IFT81: variants seen among roughly 807,000 people sequenced by gnomAD.
IFT81 encodes the protein intraflagellar transport protein 81 homolog.
A neutral mutation model predicts 102.6 loss-of-function variants in IFT81; 72 were observed. That is an observed-to-expected ratio of 0.70 (90% confidence interval 0.58 to 0.85). The LOEUF is 0.85. Ranked by LOEUF, IFT81 falls within the 40% of genes least tolerant of loss-of-function variation. The pLI is 0.00. For missense variants in IFT81, 723 were observed against 787.3 expected (o/e 0.92, Z 0.98); for synonymous variants, 237 against 242.7 (o/e 0.98, Z 0.22).
chr12:110,214,025 C>T (rs894516635), intron 18 of IFT81, among the ~76,000 whole-genome samples: 5 of 151,898 alleles, frequency 3.3e-5, no homozygotes, highest in Non-Finnish European at 7.4e-5. Context: ...ACCATTATAT[C>T]AAAGAAAATA....
chr12:110,169,023 CCCTTCCTTCCTTCCTTCCTT>C lies in IFT81; in HGVS notation c.1188+5998_1188+6017del, dbSNP rs201299809. The C allele has an allele frequency of 5.2e-3, 600 of 115,418 alleles. 8 individuals are homozygous for C. The highest frequency in any genetic ancestry group is 0.016 in the African/African-American group (457 of 28,758). 7.1% of individuals were successfully genotyped at this position (115,418 alleles called of 1,614,324 possible). The stretch of plus-strand genomic sequence containing the variant: ...TTTGTCTTTCTTTCTTTTCCTTCCT[CCCTTCCTTCCTTCCTTCCTT>C]CCTTCCTTCCTTCCTTCCTTCCTTC... On this transcript the variant is annotated intron_variant, in intron 11 of 18. Transcript: ENST00000242591.
At chr12:110,132,657 T>A in intron 5 of IFT81, 21 bp downstream of exon 5, 1 of 1,297,262 alleles carries the variant, frequency 7.7e-7, no homozygotes, top group Non-Finnish European at 1.1e-6. Flanking sequence ...GAAAACATAG[T>A]AACAATTTTT....
rs557617014 is a variant in IFT81 at position 110,204,156 on chromosome 12, G to T, written c.1644+206G>T. ...AAAAAAAATGTTTTAAATACTGCCC[G>T]TGTACGCACATTTTCACTACATCAA... On this transcript the variant is annotated intron_variant, in intron 15 of 18. Transcript: ENST00000242591. The T allele has an allele frequency of 2.4e-5, 11 of 457,236 alleles. No homozygotes were observed. In the South Asian group the frequency reaches 3.3e-4, roughly 14 times the overall value. 28.3% of individuals were successfully genotyped at this position (457,236 alleles called of 1,614,324 possible). A position where few individuals can be genotyped will look rare whatever the true frequency, so the allele number is the denominator to read the frequency against.
intron 4 of IFT81, among the ~76,000 whole-genome samples, chr12:110,132,002 G>A (rs1678823564): frequency 6.6e-6 from 1 of 152,186 alleles, no homozygotes; most frequent in South Asian, 2.1e-4. Context: ...TGTAGAGTGT[G>A]AAGCAGGAAA....
chr12:110,207,402 A>C (rs1008064756), intron 17 of IFT81, among the ~76,000 whole-genome samples: 1 of 151,830 alleles, frequency 6.6e-6, no homozygotes, highest in Admixed American at 6.6e-5. Context: ...ATTTTCCTTT[A>C]CTTAGACTGC....
At chr12:110,162,258 C>T (rs1896173150) in intron 10 of IFT81, 1 of 151,344 alleles carries the variant, frequency 6.6e-6, no homozygotes, top group Non-Finnish European at 1.5e-5. Context: ...CTTGGTGTTA[C>T]CTTCTATTGA....
chr12:110,165,765 A>G (rs1317989252), intron 11 of IFT81, among the ~76,000 whole-genome samples: 1 of 152,216 alleles, frequency 6.6e-6, no homozygotes, highest in African/African-American at 2.4e-5. Flanking sequence ...TTGACCTTGA[A>G]GAAATTACTC....
At chr12:110,134,805 C>A in intron 5 of IFT81, 143 bp from the exon 6 acceptor site, 1 of 625,700 alleles carries the variant, frequency 1.6e-6, no homozygotes, top group Non-Finnish European at 2.7e-6. Flanking sequence ...TAGAAATGAC[C>A]TTCATCCAAA....
intron 11 of IFT81, chr12:110,168,406 A>G: frequency 2.0e-6 from 1 of 511,006 alleles, no homozygotes; most frequent in Middle Eastern, 9.7e-4. Context: ...ACAAAATGCC[A>G]TTAATGGGAT....
intron 10 of IFT81, among the ~76,000 whole-genome samples, chr12:110,162,667 T>C (rs567666149): frequency 6.6e-6 from 1 of 152,156 alleles, no homozygotes; most frequent in African/African-American, 2.4e-5. Flanking sequence ...TTTTTGTTTC[T>C]CTGCTGATAT....
intron 11 of IFT81, among the ~76,000 whole-genome samples, chr12:110,166,208 A>T (rs1896427542): frequency 2.0e-5 from 3 of 152,222 alleles, no homozygotes; most frequent in African/African-American, 4.8e-5. Context: ...TATTTTTGTC[A>T]ATCACTTGGA....
intron 8 of IFT81, among the ~76,000 whole-genome samples, chr12:110,138,218 G>A (rs1186305697): frequency 6.6e-6 from 1 of 152,138 alleles, no homozygotes; most frequent in Non-Finnish European, 1.5e-5. Flanking sequence ...TCTGGGAAGT[G>A]GAAAGTGATC....
rs1480695805 is a variant in IFT81 at position 110,218,097 on chromosome 12, A to G, written c.1902A>G (p.Lys634=). 6.2e-7 allele frequency: 1 copy of G among 1,605,474 alleles called. No homozygotes were observed. The highest frequency in any genetic ancestry group is 1.1e-5 in the South Asian group (1 of 88,584). ...GAGAAAGTCATGGTCCAAATATGAA[A>G]CAAGCAAAAATGTGGCGTGATTTGG... The part of the protein sequence containing the change: ...VIRESHGPNM[K]QAKMWRDLEQ... The change falls in exon 19 of 19, where the codon AAA becomes AAG. Residue 634 remains lysine (K), a synonymous_variant. Transcript: ENST00000242591.
At chr12:110,208,479 C>G (rs867033308) in intron 17 of IFT81, among the ~76,000 whole-genome samples, 39 of 152,206 alleles carry the variant, frequency 2.6e-4, no homozygotes, top group Middle Eastern at 3.4e-3. Context: ...GCACTCCAAC[C>G]TGGGCAACAG....
In IFT81 at chr12:110,218,027, T is replaced by G. The variant is rs569827460; in HGVS notation, c.1849-17T>G. On this transcript the variant is annotated splice_polypyrimidine_tract_variant and intron_variant, in intron 18 of 18. Transcript: ENST00000242591. Reference sequence around the variant, plus strand: ...TGTAACTGAGATTTAATTATTCTTGTTTTTTTTTAATGATAGAAACTTCGG... The same window carrying G: ...TGTAACTGAGATTTAATTATTCTTGGTTTTTTTTAATGATAGAAACTTCGG... The G allele has an allele frequency of 6.6e-6, 10 of 1,504,134 alleles. No individual in the cohort carries two copies. The highest frequency in any genetic ancestry group is 3.9e-5 in the Admixed American group (2 of 51,474). 93.2% of individuals were successfully genotyped at this position (1,504,134 alleles called of 1,614,324 possible).
intron 5 of IFT81, 124 bp downstream of exon 5, chr12:110,132,760 T>G: frequency 1.9e-6 from 1 of 529,924 alleles, no homozygotes; most frequent in Non-Finnish European, 3.4e-6. Flanking sequence ...TGGCACATTT[T>G]ACTTTGTGGG....
intron 10 of IFT81, among the ~76,000 whole-genome samples, chr12:110,149,410 G>A (rs886529707): frequency 2.6e-5 from 4 of 152,208 alleles, no homozygotes; most frequent in African/African-American, 9.7e-5. Context: ...GGAAGCCCCA[G>A]TGGGCATGTG....
chr12:110,147,814 A>G (rs1367986058), intron 10 of IFT81, among the ~76,000 whole-genome samples: 4 of 152,200 alleles, frequency 2.6e-5, no homozygotes, highest in African/African-American at 9.6e-5. Flanking sequence ...TTTGAAGCAT[A>G]TCTTAGACTT....
At chr12:110,132,672 G>C (rs750553171) in intron 5 of IFT81, 36 bp downstream of exon 5, 1 of 1,109,198 alleles carries the variant, frequency 9.0e-7, no homozygotes, top group Non-Finnish European at 1.4e-6. Context: ...ATTTTTTTGG[G>C]ATTTGAATAA....
Sources: allele counts gnomAD v4.1 joint callset (sites outside exome capture counted in the v4.1 genomes callset), GRCh38; gene constraint gnomAD v4.1.1; transcripts MANE v1.5; gene names NCBI Gene and HGNC (gene_info 2026-07-23, HGNC 2026-07-21).